Variants in MPHOSPH9 observed in about 807,000 individuals in gnomAD.
The protein encoded by MPHOSPH9 is M-phase phosphoprotein 9.
A neutral mutation model predicts 145.5 loss-of-function variants in MPHOSPH9; 88 were observed. The observed-to-expected ratio is 0.60, with a 90% CI of 0.51 to 0.72. The LOEUF (loss-of-function observed/expected upper bound fraction) is 0.72. Ranked by LOEUF, MPHOSPH9 falls within the 30% of genes least tolerant of loss-of-function variation. The pLI, the probability that MPHOSPH9 is intolerant of heterozygous loss-of-function variation, is 0.00. For missense variants in MPHOSPH9, 1,238 were observed against 1,386.6 expected, an observed-to-expected ratio of 0.89 and a Z score of 1.70; for synonymous variants, 435 against 486.2, an observed-to-expected ratio of 0.89 and a Z score of 1.39.
At chr12:123,198,112 G>A in intron 12 of MPHOSPH9, 135 bp downstream of exon 12, 6 of 686,648 alleles carry the variant, frequency 8.7e-6, no homozygotes, top group Non-Finnish European at 1.5e-5. Flanking sequence ...AAAGTTTATA[G>A]CATTATATGA....
intron 3 of MPHOSPH9, among the ~76,000 whole-genome samples, chr12:123,224,688 C>T (rs2047365455): frequency 6.6e-6 from 1 of 152,194 alleles, no homozygotes; most frequent in Admixed American, 6.5e-5. Context: ...GCATGCGGAT[C>T]ATAGGGCAGT....
At chr12:123,158,757 A>G (rs2043975693) in intron 23 of MPHOSPH9, among the ~76,000 whole-genome samples, 1 of 152,064 alleles carries the variant, frequency 6.6e-6, no homozygotes, top group African/African-American at 2.4e-5. Context: ...TCAGCCTCCA[A>G]GTAGCTGAGA....
chr12:123,163,079 G>C lies in MPHOSPH9; in HGVS notation c.2964C>G (p.Ser988=), dbSNP rs758209385. 10 of 1,596,370 alleles carry C rather than the reference G, an allele frequency of 6.3e-6. No homozygotes were observed. The Admixed American group carries it at 7.2e-5, about 12-fold the overall frequency. ...PVTVAYSPKR[S]PKENLSPGFS... is the part of the protein sequence containing the mutation. ...ATCCTGGGGACAAGTTTTCTTTAGG[G>C]GATCGCTTTGGACTATAAGCCACAG... is the stretch of plus-strand genomic sequence containing the variant. The change falls in exon 20 of 24, where the codon TCC becomes TCG. Residue 988 remains serine (S), a synonymous_variant. Coordinates refer to ENST00000606320, the MANE Select transcript of MPHOSPH9 (RefSeq NM_022782.4).
chr12:123,156,726 A>G lies in MPHOSPH9; in HGVS notation c.*81T>C. 3 of 1,083,934 alleles carry G rather than the reference A, an allele frequency of 2.8e-6. No individual in the cohort carries two copies. Among genetic ancestry groups the G allele is most frequent in the East Asian group, 4.9e-5 (2 of 40,818 alleles). The allele number at this position is 1,083,934 out of a possible 1,614,324, so 67.1% of individuals were successfully genotyped here. ...TACTGTTTGAAGGCTTATAAACAGT[A>G]CAAAATAGTTTGCCTTTTCTGACTG... On this transcript the variant is annotated 3_prime_UTR_variant, in exon 24 of 24. Coordinates refer to ENST00000606320, the MANE Select transcript of MPHOSPH9 (RefSeq NM_022782.4).
intron 1 of MPHOSPH9, among the ~76,000 whole-genome samples, chr12:123,230,903 G>A (rs944303139): frequency 9.9e-5 from 15 of 152,202 alleles, no homozygotes; most frequent in African/African-American, 3.6e-4. Context: ...TGGGGAAGGA[G>A]AGAATGTGAG....
chr12:123,243,356 C>T (rs2047975353), intron 1 of MPHOSPH9, among the ~76,000 whole-genome samples: 1 of 152,072 alleles, frequency 6.6e-6, no homozygotes, highest in South Asian at 2.1e-4. Flanking sequence ...TGGCAAAACC[C>T]CGTCTCTACT....
At chr12:123,239,410 G>GTTTTT (rs80347690) in intron 1 of MPHOSPH9, among the ~76,000 whole-genome samples, 4 of 145,820 alleles carry the variant, frequency 2.7e-5, no homozygotes, top group East Asian at 2.1e-4. Context: ...TTGTTTTTTT[G>GTTTTT]TTTGTTTTTT....
At chr12:123,213,052 G>T (rs1056321540) in intron 7 of MPHOSPH9, among the ~76,000 whole-genome samples, 1 of 151,424 alleles carries the variant, frequency 6.6e-6, no homozygotes, top group African/African-American at 2.4e-5. Flanking sequence ...GTAGAGACGG[G>T]GTTTCACTGT....
chr12:123,226,495 A>T (rs1461613421), intron 3 of MPHOSPH9: 1 of 184,728 alleles, frequency 5.4e-6, no homozygotes, highest in African/African-American at 2.4e-5. Flanking sequence ...CTTGAGCATT[A>T]TCCTATGAAA....
In MPHOSPH9 at chr12:123,181,184, T is replaced by C. The variant is rs150358950; in HGVS notation, c.2268A>G (p.Gly756=). 19 of 1,611,930 alleles carry C rather than the reference T, an allele frequency of 1.2e-5. No individual in the cohort carries two copies. In the African/African-American group the frequency reaches 2.1e-4, roughly 18 times the overall value. The change falls in exon 14 of 24, where the codon GGA becomes GGG. Residue 756 remains glycine (G), a synonymous_variant. Coordinates refer to ENST00000606320, the MANE Select transcript of MPHOSPH9 (RefSeq NM_022782.4). ...TTACCTTTACTCTCCTGTGTTCTTT[T>C]CCAAGGGACTCATACTCTCCTAAAA... ...QDLLGEYESL[G]KEHRRVKDAL...
chr12:123,208,767 G>C (rs2138431478), intron 8 of MPHOSPH9, among the ~76,000 whole-genome samples: 1 of 151,614 alleles, frequency 6.6e-6, no homozygotes, highest in East Asian at 1.9e-4. Context: ...TTTGAGACAG[G>C]GTCTCACTCT....
intron 8 of MPHOSPH9, among the ~76,000 whole-genome samples, chr12:123,205,222 G>A (rs1376007613): frequency 6.6e-6 from 1 of 152,224 alleles, no homozygotes; most frequent in Admixed American, 6.5e-5. Flanking sequence ...CCTTGTGAGT[G>A]TGTGCATTAA....
chr12:123,228,682 G>A (rs1041703626), intron 2 of MPHOSPH9, among the ~76,000 whole-genome samples: 2 of 150,882 alleles, frequency 1.3e-5, no homozygotes, highest in Admixed American at 6.6e-5. Context: ...GCAAGACTCC[G>A]TCAAAAAAAA....
chr12:123,176,305 T>C (rs1029339596), intron 16 of MPHOSPH9, among the ~76,000 whole-genome samples: 1 of 152,176 alleles, frequency 6.6e-6, no homozygotes, highest in African/African-American at 2.4e-5. Context: ...TCCATCTTCA[T>C]AGTTCCTTCC....
At chr12:123,231,311 T>C (rs533672077) in intron 1 of MPHOSPH9, among the ~76,000 whole-genome samples, 6 of 152,312 alleles carry the variant, frequency 3.9e-5, no homozygotes, top group South Asian at 2.1e-4. Flanking sequence ...TATGTAACAA[T>C]TGGAATACTT....
chr12:123,218,044 CA>C lies in MPHOSPH9; in HGVS notation c.996+331del, dbSNP rs34652752. 2.2e-3 allele frequency among the ~76,000 whole-genome samples: 247 copies of C among 113,774 alleles called. 2 individuals are homozygous for C. Among genetic ancestry groups the C allele is most frequent in the South Asian group, 2.5e-3 (8 of 3,178 alleles). The allele number at this position is 113,774 out of a possible 152,430, so 74.6% of individuals were successfully genotyped here. A position where few individuals can be genotyped will look rare whatever the true frequency, so the allele number is the denominator to read the frequency against. On this transcript the variant is annotated intron_variant, in intron 6 of 23. Coordinates refer to ENST00000606320, the MANE Select transcript of MPHOSPH9 (RefSeq NM_022782.4). Reference sequence around the variant, plus strand: ...TGGGTGACAGAGCGAGACTCCATCTCAAAAAAAAAAAAAAAAATTGGCCAGG... The same window carrying C: ...TGGGTGACAGAGCGAGACTCCATCTCAAAAAAAAAAAAAAAATTGGCCAGG...
chr12:123,216,044 T>C (rs1265891552), intron 6 of MPHOSPH9, among the ~76,000 whole-genome samples: 2 of 152,096 alleles, frequency 1.3e-5, no homozygotes, highest in Non-Finnish European at 2.9e-5. Flanking sequence ...GGGATTATCC[T>C]GGCTAACACG....
chr12:123,217,970 G>A (rs888226176), intron 6 of MPHOSPH9, among the ~76,000 whole-genome samples: 11 of 151,746 alleles, frequency 7.2e-5, no homozygotes, highest in Admixed American at 1.3e-4. Context: ...GCGTGAACCC[G>A]GGAGGCGGAG....
At chr12:123,239,544 A>G (rs2047898425) in intron 1 of MPHOSPH9, among the ~76,000 whole-genome samples, 2 of 152,098 alleles carry the variant, frequency 1.3e-5, no homozygotes, top group Admixed American at 6.5e-5. Flanking sequence ...CTGGGACTAC[A>G]GCTACGTGCA....
Sources: allele counts gnomAD v4.1 joint callset (sites outside exome capture counted in the v4.1 genomes callset), GRCh38; gene constraint gnomAD v4.1.1; transcripts MANE v1.5; gene names NCBI Gene and HGNC (gene_info 2026-07-23, HGNC 2026-07-21).